The following TLN2 variants were observed in gnomAD, a reference collection of about 807,000 sequenced individuals.
The protein encoded by TLN2 is talin 2.
A neutral mutation model predicts 294.7 loss-of-function variants in TLN2; 118 were observed. The observed-to-expected ratio is 0.40, with a 90% confidence interval of 0.34 to 0.47. The LOEUF (loss-of-function observed/expected upper bound fraction) is 0.47, where lower values mean the gene tolerates loss of function less well. Among genes scored for constraint, TLN2 ranks in the 20% least tolerant of loss-of-function variants. The pLI, the probability that TLN2 is intolerant of heterozygous loss-of-function variation, is 0.84. For missense variants in TLN2, 3,083 were observed against 3,282.2 expected (o/e 0.94, Z 1.48); for synonymous variants, 1,431 against 1,304.5 (o/e 1.10, Z -2.09).
In TLN2 at chr15:62,597,270, A is replaced by G. The variant is rs377377837; in HGVS notation, c.-162+7508A>G. Among the ~76,000 whole-genome samples the G allele has an allele frequency of 1.2e-4, 18 of 152,304 alleles. No homozygotes were observed. In the East Asian group the frequency reaches 2.1e-3, roughly 18 times the overall value. On this transcript the variant is annotated intron_variant, in intron 2 of 58. Transcript: ENST00000636159. ...TCAATCTCACTCAGTAAAGGCTTCC[A>G]TGATTTTATCTCTAGATTCTGAATG...
intron 11 of TLN2, among the ~76,000 whole-genome samples, chr15:62,678,332 G>A (rs970765193): frequency 6.6e-6 from 1 of 152,092 alleles, no homozygotes; most frequent in African/African-American, 2.4e-5. Flanking sequence ...AAGAATTAAT[G>A]AACCTGAATC....
chr15:62,529,059 GT>G (rs1241308770), intron 1 of TLN2, among the ~76,000 whole-genome samples: 1 of 151,686 alleles, frequency 6.6e-6, no homozygotes. Context: ...ATTATCAGAA[GT>G]GGAATTACTG....
chr15:62,761,868 TTGTG>T (rs1327025789), intron 38 of TLN2, 47 bp downstream of exon 38: 1 of 1,608,086 alleles, frequency 6.2e-7, no homozygotes, highest in African/African-American at 1.3e-5. Flanking sequence ...TTGGCTAACT[TTGTG>T]TGGCACCAAA....
chr15:62,560,571 C>T (rs944439863), intron 1 of TLN2, among the ~76,000 whole-genome samples: 2 of 152,222 alleles, frequency 1.3e-5, no homozygotes, highest in African/African-American at 2.4e-5. Flanking sequence ...AAGTGATCCG[C>T]GCGCCTGGCC....
chr15:62,511,619 G>A (rs1274133154), intron 1 of TLN2, among the ~76,000 whole-genome samples: 1 of 152,014 alleles, frequency 6.6e-6, no homozygotes, highest in Admixed American at 6.6e-5. Context: ...GTGAGAAGCG[G>A]AGTCCTTTCT....
intron 1 of TLN2, among the ~76,000 whole-genome samples, chr15:62,407,251 G>A (rs1382319417): frequency 6.6e-6 from 1 of 152,114 alleles, no homozygotes; most frequent in Non-Finnish European, 1.5e-5. Flanking sequence ...CTACTTTGAG[G>A]AAGCTAAGAT....
chr15:62,664,091 A>C (rs1375097648), intron 9 of TLN2, among the ~76,000 whole-genome samples: 2 of 152,052 alleles, frequency 1.3e-5, no homozygotes, highest in Non-Finnish European at 2.9e-5. Context: ...AAGATTGATA[A>C]ATTTACCTTT....
intron 33 of TLN2, 88 bp from the exon 34 acceptor site, chr15:62,750,314 A>T: frequency 9.6e-7 from 1 of 1,045,764 alleles, no homozygotes; most frequent in Admixed American, 1.7e-5. Context: ...TTGTGTATGG[A>T]GGGAGAGTTG....
At chr15:62,601,663 C>T (rs2047017969) in intron 2 of TLN2, among the ~76,000 whole-genome samples, 1 of 152,122 alleles carries the variant, frequency 6.6e-6, no homozygotes. Context: ...ATCATTCCTA[C>T]CTTGTTTATA....
At position 62,840,587 on chromosome 15, in the gene TLN2, G is replaced by A. The variant is rs921864392; in HGVS notation, c.7606G>A (p.Glu2536Lys). The part of the protein sequence containing the change: ...RQQQYKFLPT[E>K]LREDEG ...GCAGCAGTATAAGTTTTTACCCACCGAGCTGAGGGAAGATGAGGGCTAAAG... is the reference window on the plus strand; with the variant it reads ...GCAGCAGTATAAGTTTTTACCCACCAAGCTGAGGGAAGATGAGGGCTAAAG... Residue 2536 changes from glutamate (E) to lysine (K), a missense_variant, in exon 59 of 59, where the codon GAG becomes AAG. Coordinates refer to ENST00000636159, the MANE Select transcript of TLN2 (RefSeq NM_015059.3). The A allele has an allele frequency of 5.6e-6, 9 of 1,614,150 alleles. No homozygotes were observed. The highest frequency in any genetic ancestry group is 2.2e-5 in the East Asian group (1 of 44,868).
chr15:62,521,280 G>C (rs896864709), intron 1 of TLN2, among the ~76,000 whole-genome samples: 2 of 152,164 alleles, frequency 1.3e-5, no homozygotes, highest in Non-Finnish European at 2.9e-5. Context: ...GCTGGGGCTG[G>C]GTGCCGTGAG....
intron 45 of TLN2, among the ~76,000 whole-genome samples, chr15:62,790,852 G>A (rs1050405704): frequency 2.9e-4 from 44 of 152,324 alleles, no homozygotes; most frequent in East Asian, 2.5e-3. Flanking sequence ...CCGCCTCAGC[G>A]GCAGCCATAC....
chr15:62,607,578 G>A (rs922867453), intron 2 of TLN2, among the ~76,000 whole-genome samples: 4 of 152,260 alleles, frequency 2.6e-5, no homozygotes, highest in African/African-American at 2.4e-5. Flanking sequence ...AATAATAAAC[G>A]AAACGTCCAA....
chr15:62,509,032 T>TA (rs1160947942), intron 1 of TLN2, among the ~76,000 whole-genome samples: 21 of 152,354 alleles, frequency 1.4e-4, no homozygotes, highest in African/African-American at 5.0e-4. Context: ...GTCCTGTTTT[T>TA]ATCTCCATTT....
intron 2 of TLN2, among the ~76,000 whole-genome samples, chr15:62,602,189 A>G (rs1310322306): frequency 6.6e-6 from 1 of 152,220 alleles, no homozygotes; most frequent in Non-Finnish European, 1.5e-5. Flanking sequence ...TGATACTTCC[A>G]TGTGAAATTC....
At chr15:62,825,751 A>G (rs2068006257) in intron 54 of TLN2, among the ~76,000 whole-genome samples, 2 of 105,872 alleles carry the variant, frequency 1.9e-5, no homozygotes, top group Non-Finnish European at 3.4e-5. Flanking sequence ...TATATATTAA[A>G]TATAATTATA....
At chr15:62,713,854 T>C (rs970396558) in intron 22 of TLN2, among the ~76,000 whole-genome samples, 1 of 149,606 alleles carries the variant, frequency 6.7e-6, no homozygotes, top group Non-Finnish European at 1.5e-5. Context: ...TCCTAATCCC[T>C]GTTTCAGCCA....
chr15:62,610,008 C>G (rs1567187081), intron 2 of TLN2, among the ~76,000 whole-genome samples: 1 of 152,222 alleles, frequency 6.6e-6, no homozygotes, highest in Non-Finnish European at 1.5e-5. Context: ...CAATTCTTTA[C>G]TTTCTGGTAT....
chr15:62,739,342 C>G lies in TLN2; in HGVS notation c.3688-6C>G, dbSNP rs2061194043. On this transcript the variant is annotated splice_region_variant and splice_polypyrimidine_tract_variant and intron_variant, in intron 30 of 58. Transcript: ENST00000636159. ...TCTCATGGGGTGTGCCGTCTGTTCC[C>G]CACAGCTACCTCCAAGCACGAAGCC... 1.9e-6 allele frequency: 3 copies of G among 1,611,646 alleles called. No individual in the cohort carries two copies. Among genetic ancestry groups the G allele is most frequent in the Non-Finnish European group, 2.5e-6 (3 of 1,178,886 alleles).
Sources: allele counts gnomAD v4.1 joint callset (sites outside exome capture counted in the v4.1 genomes callset), GRCh38; gene constraint gnomAD v4.1.1; transcripts MANE v1.5; gene names NCBI Gene and HGNC (gene_info 2026-07-23, HGNC 2026-07-21).